JMY: variants seen among roughly 807,000 people sequenced by gnomAD.
The protein encoded by JMY is junction-mediating and -regulatory protein.
In JMY, 46 loss-of-function variants were observed where a neutral mutation model predicts 103.3. The observed-to-expected ratio is 0.45, with a 90% CI of 0.35 to 0.57. The LOEUF is 0.57. Ranked by LOEUF, JMY falls within the 20% of genes least tolerant of loss-of-function variation. JMY has a pLI of 0.00. For missense variants in JMY, 1,238 were observed against 1,255.2 expected (o/e 0.99, Z 0.21); for synonymous variants, 526 against 489.3 (o/e 1.07, Z -0.99).
chr5:79,305,679 CT>C (rs35171654), intron 6 of JMY, among the ~76,000 whole-genome samples: 7,327 of 151,784 alleles, frequency 0.048, 569 homozygotes, highest in African/African-American at 0.17. Context: ...AAAATATATG[CT>C]TTTTTTTCAT....
chr5:79,245,233 A>G (rs2112045405), intron 1 of JMY, among the ~76,000 whole-genome samples: 1 of 152,306 alleles, frequency 6.6e-6, no homozygotes, highest in Admixed American at 6.5e-5. Flanking sequence ...GTTTGAGGGT[A>G]GTGGCTAGGG....
At chr5:79,318,761 T>TATATAG (rs1218912301) in intron 10 of JMY, among the ~76,000 whole-genome samples, 29 of 53,598 alleles carry the variant, frequency 5.4e-4, no homozygotes, top group East Asian at 3.5e-3. Context: ...TATATATATA[T>TATATAG]AGAGAGAGAG....
Position 79,297,280 on chromosome 5 carries a change from AT to A in JMY, c.1528-2870del, listed in dbSNP as rs1258832228. Among the ~76,000 whole-genome samples the A allele has an allele frequency of 2.0e-5, 3 of 152,154 alleles. No homozygotes were observed. In the East Asian group the frequency reaches 5.8e-4, roughly 29 times the overall value. On this transcript the variant is annotated intron_variant, in intron 4 of 10. Coordinates refer to ENST00000396137, the MANE Select transcript of JMY (RefSeq NM_152405.5). ...AAGATGGCCAATTTTTCCTTTGAGT[AT>A]TTAAACTACTTTCAGGGCTTCTTTC...
intron 1 of JMY, among the ~76,000 whole-genome samples, chr5:79,268,443 T>G (rs182434147): frequency 1.2e-3 from 189 of 152,276 alleles, no homozygotes; most frequent in African/African-American, 4.4e-3. Flanking sequence ...TATAATTCCC[T>G]AATGCTATGT....
At chr5:79,285,502 T>C (rs1302603674) in intron 2 of JMY, among the ~76,000 whole-genome samples, 1 of 152,086 alleles carries the variant, frequency 6.6e-6, no homozygotes, top group East Asian at 1.9e-4. Flanking sequence ...CATTATACAT[T>C]AAGATACTCA....
chr5:79,270,341 T>G (rs914160070), intron 1 of JMY, among the ~76,000 whole-genome samples: 1 of 140,406 alleles, frequency 7.1e-6, no homozygotes, highest in Non-Finnish European at 1.5e-5. Context: ...ATTTAAAATA[T>G]ATATTTACAT....
intron 1 of JMY, among the ~76,000 whole-genome samples, chr5:79,245,540 A>G (rs958400330): frequency 6.6e-6 from 1 of 151,996 alleles, no homozygotes. Context: ...TTTTTAGTTT[A>G]TAAAGTGAGG....
rs1225677389 is a variant in JMY at position 79,327,066 on chromosome 5, C to T, written c.*5464C>T. 1.3e-5 allele frequency: 2 copies of T among 152,182 alleles called. No homozygotes were observed. Among genetic ancestry groups the T allele is most frequent in the African/African-American group, 2.4e-5 (1 of 41,438 alleles). 9.4% of individuals were successfully genotyped at this position (152,182 alleles called of 1,614,324 possible). A position where few individuals can be genotyped will look rare whatever the true frequency, so the allele number is the denominator to read the frequency against. ...ATTGCTTTGTATTTCATGTTTTTTA[C>T]ACTCATGACTTCAGAGTTAAGTACT... On this transcript the variant is annotated 3_prime_UTR_variant, in exon 11 of 11. Coordinates refer to ENST00000396137, the MANE Select transcript of JMY (RefSeq NM_152405.5).
rs76365154 is a variant in JMY, at chr5:79,295,028, A to G, written c.1527+3729A>G. Among the ~76,000 whole-genome samples the G allele has an allele frequency of 4.3e-4, 66 of 152,346 alleles. No individual in the cohort carries two copies. In the East Asian group the frequency reaches 0.01, roughly 23 times the overall value. On this transcript the variant is annotated intron_variant, in intron 4 of 10. Transcript: ENST00000396137. ...AGCTACTTATTTTTGTCTTTCTCCT[A>G]CAAGCATGTAGCTAAATTATGATTA... is the stretch of plus-strand genomic sequence containing the variant.
At chr5:79,266,449 G>A (rs7715670) in intron 1 of JMY, among the ~76,000 whole-genome samples, 2 of 152,120 alleles carry the variant, frequency 1.3e-5, no homozygotes, top group South Asian at 2.1e-4. Context: ...GGTCAGGGGC[G>A]TTTTGTATTT....
rs200770580 is a variant in JMY at position 79,315,158 on chromosome 5, T to TA, written c.2659+314dup. ...GTTTTGATTTTAAACCTGAGATTTTTAAAAAAATACTCATATCAGAAAGGG... is the reference window on the plus strand; with the variant it reads ...GTTTTGATTTTAAACCTGAGATTTTTAAAAAAAATACTCATATCAGAAAGGG... On this transcript the variant is annotated intron_variant, in intron 9 of 10. Coordinates refer to ENST00000396137, the MANE Select transcript of JMY (RefSeq NM_152405.5). Among the ~76,000 whole-genome samples, 997 of 152,216 alleles carry TA rather than the reference T, an allele frequency of 6.5e-3. 9 individuals are homozygous for TA. Among genetic ancestry groups the TA allele is most frequent in the African/African-American group, 0.022 (926 of 41,522 alleles).
intron 1 of JMY, among the ~76,000 whole-genome samples, chr5:79,256,035 C>T (rs1011517365): frequency 6.6e-6 from 1 of 152,254 alleles, no homozygotes; most frequent in African/African-American, 2.4e-5. Flanking sequence ...GAAGAATTCC[C>T]CCAGGTCCCT....
intron 1 of JMY, among the ~76,000 whole-genome samples, chr5:79,267,501 G>C (rs372150720): frequency 6.6e-5 from 10 of 152,166 alleles, no homozygotes; most frequent in African/African-American, 2.4e-4. Context: ...TTTCAGATTA[G>C]TTGTTTCAGT....
In JMY at chr5:79,322,296, T is replaced by C. The variant is rs1302730770; in HGVS notation, c.*694T>C. 1 of 152,242 alleles carries C rather than the reference T, an allele frequency of 6.6e-6. No homozygotes were observed. Among genetic ancestry groups the C allele is most frequent in the East Asian group, 1.9e-4 (1 of 5,202 alleles). The allele number at this position is 152,242 out of a possible 1,614,324, so 9.4% of individuals were successfully genotyped here. On this transcript the variant is annotated 3_prime_UTR_variant, in exon 11 of 11. Coordinates refer to ENST00000396137, the MANE Select transcript of JMY (RefSeq NM_152405.5). The stretch of plus-strand genomic sequence containing the variant: ...ACTTTGTAAGGTTTTGAAGTTTCCG[T>C]GCTTTTAAATCACTCTTCATATTTC...
At chr5:79,249,202 A>C (rs1745002382) in intron 1 of JMY, among the ~76,000 whole-genome samples, 1 of 151,766 alleles carries the variant, frequency 6.6e-6, no homozygotes, top group Non-Finnish European at 1.5e-5. Context: ...TTGTGTTTTT[A>C]GTAGAAATGG....
chr5:79,256,646 G>A (rs978620973), intron 1 of JMY, among the ~76,000 whole-genome samples: 2 of 152,132 alleles, frequency 1.3e-5, no homozygotes, highest in African/African-American at 4.8e-5. Flanking sequence ...TCAAGTGATT[G>A]TTCCTTTTTG....
intron 2 of JMY, chr5:79,284,419 C>A: frequency 6.8e-7 from 1 of 1,462,564 alleles, no homozygotes; most frequent in Non-Finnish European, 9.5e-7. Flanking sequence ...TGATTTCCAT[C>A]ATCTTCTTCC....
chr5:79,307,808 G>A (rs547666083), intron 7 of JMY, among the ~76,000 whole-genome samples: 2 of 152,066 alleles, frequency 1.3e-5, no homozygotes, highest in South Asian at 4.2e-4. Flanking sequence ...GCGCGATCTC[G>A]GCTCACTGCA....
At chr5:79,246,409 C>G (rs1302765072) in intron 1 of JMY, among the ~76,000 whole-genome samples, 1 of 152,130 alleles carries the variant, frequency 6.6e-6, no homozygotes, top group Non-Finnish European at 1.5e-5. Context: ...TTACAAAGAT[C>G]TTTGTGTACA....
Sources: allele counts gnomAD v4.1 joint callset (sites outside exome capture counted in the v4.1 genomes callset), GRCh38; gene constraint gnomAD v4.1.1; transcripts MANE v1.5; gene names NCBI Gene and HGNC (gene_info 2026-07-23, HGNC 2026-07-21).